The following EDARADD variants were observed in gnomAD, a reference collection of about 807,000 sequenced individuals.
The protein encoded by EDARADD is EDAR associated via death domain, also known as ectodysplasin-A receptor-associated adapter protein.
In EDARADD, 20 loss-of-function variants were observed where a neutral mutation model predicts 25.6. The ratio of observed to expected loss-of-function variants is 0.78; its 90% confidence interval spans 0.55 to 1.14. The LOEUF (loss-of-function observed/expected upper bound fraction) is 1.14. Ranked by LOEUF, EDARADD falls within the 50% of genes most tolerant of loss-of-function variation. The pLI is 0.00. For synonymous variants in EDARADD, 86 were observed against 94.4 expected, an observed-to-expected ratio of 0.91 and a Z score of 0.52; for missense variants, 225 against 270.1, an observed-to-expected ratio of 0.83 and a Z score of 1.17.
At chr1:236,446,743 G>A (rs1008488470) in intron 4 of EDARADD, among the ~76,000 whole-genome samples, 3 of 152,268 alleles carry the variant, frequency 2.0e-5, no homozygotes, top group South Asian at 2.1e-4. Flanking sequence ...ATGCAAAATA[G>A]TGTTACATGT....
intron 3 of EDARADD, among the ~76,000 whole-genome samples, chr1:236,425,138 G>A (rs547340849): frequency 6.6e-6 from 1 of 152,340 alleles, no homozygotes; most frequent in South Asian, 2.1e-4. Flanking sequence ...CCCAAGTGGG[G>A]ACATTAAACC....
At chr1:236,384,586 T>C (rs751435165) in intron 3 of EDARADD, among the ~76,000 whole-genome samples, 30 of 152,168 alleles carry the variant, frequency 2.0e-4, no homozygotes, top group Middle Eastern at 3.4e-3. Flanking sequence ...AGACAGGATC[T>C]TGTGTATTGC....
chr1:236,463,194 G>A (rs1438098772), intron 4 of EDARADD, among the ~76,000 whole-genome samples: 3 of 152,138 alleles, frequency 2.0e-5, no homozygotes, highest in Non-Finnish European at 4.4e-5. Context: ...ACTCTGGCAC[G>A]GGGCTCTACA....
At chr1:236,429,199 C>CGGGAGG (rs1558121732) in intron 4 of EDARADD, among the ~76,000 whole-genome samples, 1 of 51,476 alleles carries the variant, frequency 1.9e-5, no homozygotes, top group Non-Finnish European at 7.5e-5. Context: ...GGAGAGGGAG[C>CGGGAGG]GGGAGCGGGA....
intron 4 of EDARADD, among the ~76,000 whole-genome samples, chr1:236,459,893 C>G (rs1271332541): frequency 1.3e-5 from 2 of 152,078 alleles, no homozygotes; most frequent in African/African-American, 2.4e-5. Context: ...GGATTACAGG[C>G]GCACCGGCCT....
chr1:236,455,991 A>G (rs564573981), intron 4 of EDARADD, among the ~76,000 whole-genome samples: 192 of 152,252 alleles, frequency 1.3e-3, no homozygotes, highest in African/African-American at 3.9e-3. Context: ...GAGTTTCACC[A>G]TTTTAGCCAG....
intron 4 of EDARADD, among the ~76,000 whole-genome samples, chr1:236,452,498 C>CCG: frequency 7.3e-6 from 1 of 136,554 alleles, no homozygotes; most frequent in South Asian, 2.5e-4. Context: ...GTGGCCGATC[C>CCG]CCCCTCTCTC....
chr1:236,354,247 A>G, intron 3 of EDARADD, among the ~76,000 whole-genome samples: 1 of 152,210 alleles, frequency 6.6e-6, no homozygotes, highest in East Asian at 1.9e-4. Flanking sequence ...AATGACTTAC[A>G]CACATGAAAG....
chr1:236,445,487 CA>C (rs1239319384), intron 4 of EDARADD, among the ~76,000 whole-genome samples: 1 of 152,034 alleles, frequency 6.6e-6, no homozygotes, highest in Non-Finnish European at 1.5e-5. Context: ...CTTGGACTCC[CA>C]AAGTGCTGGG....
chr1:236,446,886 G>A (rs966526803), intron 4 of EDARADD, among the ~76,000 whole-genome samples: 2 of 152,178 alleles, frequency 1.3e-5, no homozygotes, highest in Non-Finnish European at 2.9e-5. Flanking sequence ...GCACTGTAAC[G>A]CATGTGAATA....
chr1:236,364,579 T>C (rs1667089466), intron 3 of EDARADD, among the ~76,000 whole-genome samples: 2 of 152,254 alleles, frequency 1.3e-5, no homozygotes, highest in Non-Finnish European at 2.9e-5. Context: ...AGCTCAGCAA[T>C]GTTTTTAGTT....
In EDARADD at chr1:236,395,655, G is replaced by T; in HGVS notation, c.61+1150G>T. 1 of 1,575,912 alleles carries T rather than the reference G, an allele frequency of 6.3e-7. No individual in the cohort carries two copies. Among genetic ancestry groups the T allele is most frequent in the African/African-American group, 1.3e-5 (1 of 74,334 alleles). ...ATGGCTTCACCGGACGACCCTCTGC[G>T]CGCAGGTAAAGGGACACAGCGCCGC... On this transcript the variant is annotated intron_variant, in intron 1 of 5. Transcript: ENST00000334232. This position sits in a 1 kb window ranked among gnomAD's most constrained non-coding sequence, Gnocchi z 6.9.
In EDARADD at chr1:236,456,031, C is replaced by T. The variant is rs544458818; in HGVS notation, c.220-12200C>T. The stretch of plus-strand genomic sequence containing the variant: ...GTCTCGATCTGCTGACCTTGTAATC[C>T]GCCCGCCTCGGCCTCCCAAAGTACA... On this transcript the variant is annotated intron_variant, in intron 4 of 5. Transcript: ENST00000334232. Among the ~76,000 whole-genome samples, 105 of 152,238 alleles carry T rather than the reference C, an allele frequency of 6.9e-4. 1 individual carries two copies. Among genetic ancestry groups the T allele is most frequent in the South Asian group, 2.7e-3 (13 of 4,824 alleles).
At chr1:236,431,256 G>T (rs578027319) in intron 4 of EDARADD, among the ~76,000 whole-genome samples, 2 of 151,906 alleles carry the variant, frequency 1.3e-5, no homozygotes, top group Non-Finnish European at 2.9e-5. Context: ...TTCCTTTTTC[G>T]AGTGATGCCG....
At chr1:236,406,223 C>T (rs998916965) in intron 1 of EDARADD, among the ~76,000 whole-genome samples, 3 of 152,096 alleles carry the variant, frequency 2.0e-5, no homozygotes, top group East Asian at 1.9e-4. Context: ...GAAGGGACTT[C>T]GGGCTATTTT....
chr1:236,453,701 T>C (rs1199357823), intron 4 of EDARADD, among the ~76,000 whole-genome samples: 1 of 152,182 alleles, frequency 6.6e-6, no homozygotes, highest in Admixed American at 6.5e-5. Flanking sequence ...CCAGGAGCAA[T>C]AGGCTTTACC....
At chr1:236,407,491 T>G (rs1667759884) in intron 1 of EDARADD, among the ~76,000 whole-genome samples, 1 of 149,818 alleles carries the variant, frequency 6.7e-6, no homozygotes, top group South Asian at 2.1e-4. Context: ...TTCAGACACA[T>G]TCTCAGCTGG....
intron 3 of EDARADD, among the ~76,000 whole-genome samples, chr1:236,375,242 A>T (rs1186233004): frequency 6.6e-6 from 1 of 152,168 alleles, no homozygotes; most frequent in Non-Finnish European, 1.5e-5. Flanking sequence ...TCATTATTGT[A>T]ATTCATTTCA....
intron 4 of EDARADD, among the ~76,000 whole-genome samples, chr1:236,436,624 C>CAA (rs5781885): frequency 0.67 from 62,929 of 94,058 alleles, 23,206 homozygotes; most frequent in Non-Finnish European, 0.82. Flanking sequence ...AAGATCTTGT[C>CAA]AAAAAAAAAA....
Sources: gnomAD v4.1 joint callset for allele counts (sites outside exome capture counted in the v4.1 genomes callset) on GRCh38, gnomAD v4.1.1 for gene constraint, Gnocchi (gnomAD v3.1) non-coding constraint, MANE v1.5 for transcripts, NCBI Gene and HGNC (gene_info 2026-07-23, HGNC 2026-07-21) for gene names.